The following CCSER1 variants were observed in gnomAD, a reference collection of about 807,000 sequenced individuals.
CCSER1 encodes serine-rich coiled-coil domain-containing protein 1.
CCSER1 carries 41 observed loss-of-function variants against 82.0 expected under a neutral mutation model. That is an observed-to-expected ratio of 0.50 (90% CI 0.39 to 0.65). CCSER1 has a LOEUF of 0.65. CCSER1 is among the 30% of genes least tolerant of loss of function. CCSER1 has a pLI of 0.00. For synonymous variants in CCSER1, 414 were observed against 383.9 expected (o/e 1.08, Z -0.92); for missense variants, 1,119 against 1,064.2 (o/e 1.05, Z -0.72).
chr4:91,311,828 A>C (rs1487660439), intron 10 of CCSER1, among the ~76,000 whole-genome samples: 2 of 151,882 alleles, frequency 1.3e-5, no homozygotes, highest in Admixed American at 6.6e-5. Flanking sequence ...ACATCTTTTC[A>C]ATAAATTTTC....
intron 10 of CCSER1, among the ~76,000 whole-genome samples, chr4:91,344,913 T>A (rs1306556126): frequency 6.6e-6 from 1 of 152,180 alleles, no homozygotes; most frequent in East Asian, 1.9e-4. Context: ...GAGTATATCA[T>A]TAGACAGACT....
In CCSER1 at chr4:90,891,346, T is replaced by C. The variant is rs1164654550; in HGVS notation, c.2095-32024T>C. 2.6e-5 allele frequency among the ~76,000 whole-genome samples: 4 copies of C among 151,706 alleles called. No individual in the cohort carries two copies. The East Asian group carries it at 5.8e-4, about 22-fold the overall frequency. On this transcript the variant is annotated intron_variant, in intron 8 of 10. Transcript: ENST00000509176. The stretch of plus-strand genomic sequence containing the variant: ...GTCAATGTCAAGTAAACACAAAGAT[T>C]AACTCAATTTTGTGTTTTCATTTAA...
intron 1 of CCSER1, among the ~76,000 whole-genome samples, chr4:90,187,004 A>G (rs1315896704): frequency 2.0e-5 from 3 of 151,960 alleles, no homozygotes; most frequent in Admixed American, 1.3e-4. Context: ...TACAGTTTTA[A>G]TGACTGCTAA....
chr4:90,884,373 C>T (rs895161268), intron 8 of CCSER1, among the ~76,000 whole-genome samples: 3 of 152,118 alleles, frequency 2.0e-5, no homozygotes, highest in Non-Finnish European at 4.4e-5. Context: ...AGAAGGGATA[C>T]ATGTATATAC....
At chr4:90,575,596 C>A (rs1428112413) in intron 5 of CCSER1, among the ~76,000 whole-genome samples, 1 of 152,152 alleles carries the variant, frequency 6.6e-6, no homozygotes, top group Admixed American at 6.5e-5. Flanking sequence ...AATACCTGAA[C>A]CAAACTTTAA....
chr4:90,229,932 A>T (rs1172804540), intron 1 of CCSER1, among the ~76,000 whole-genome samples: 2 of 152,220 alleles, frequency 1.3e-5, no homozygotes, highest in African/African-American at 4.8e-5. Context: ...TATCCTAAAT[A>T]TATATGCACC....
intron 3 of CCSER1, among the ~76,000 whole-genome samples, chr4:90,349,442 T>C (rs557961721): frequency 2.6e-4 from 39 of 152,258 alleles, no homozygotes; most frequent in African/African-American, 8.7e-4. Flanking sequence ...CGTGGTGGCA[T>C]ACAATTCTAG....
chr4:90,226,507 G>T (rs1401663188), intron 1 of CCSER1, among the ~76,000 whole-genome samples: 21 of 152,116 alleles, frequency 1.4e-4, no homozygotes, highest in Admixed American at 1.4e-3. Flanking sequence ...AGATGCAGTT[G>T]GTATAAGAAA....
intron 10 of CCSER1, among the ~76,000 whole-genome samples, chr4:91,198,781 T>G (rs1735663884): frequency 1.3e-5 from 2 of 152,146 alleles, no homozygotes; most frequent in African/African-American, 4.8e-5. Context: ...CAATTAAGAC[T>G]TTTAGTTTAC....
intron 1 of CCSER1, among the ~76,000 whole-genome samples, chr4:90,294,552 C>T (rs1438901353): frequency 6.6e-6 from 1 of 151,978 alleles, no homozygotes; most frequent in Admixed American, 6.6e-5. Context: ...TCTCCTATTC[C>T]TTCCCAGTGG....
intron 3 of CCSER1, among the ~76,000 whole-genome samples, chr4:90,386,773 T>G (rs1750125746): frequency 6.6e-6 from 1 of 152,214 alleles, no homozygotes; most frequent in Non-Finnish European, 1.5e-5. Context: ...TTTCCTATTT[T>G]GGGAATCTTT....
chr4:91,384,091 C>T (rs901272851), intron 10 of CCSER1, among the ~76,000 whole-genome samples: 2 of 151,990 alleles, frequency 1.3e-5, no homozygotes, highest in Non-Finnish European at 2.9e-5. Flanking sequence ...TGAATGTTTC[C>T]AACTACTATA....
At chr4:90,577,419 A>AT (rs978075817) in intron 5 of CCSER1, among the ~76,000 whole-genome samples, 13 of 152,074 alleles carry the variant, frequency 8.5e-5, no homozygotes, top group Middle Eastern at 3.4e-3. Flanking sequence ...TAGTTGAGGG[A>AT]TTTTTTGTTT....
chr4:90,317,243 C>T (rs1022254670), intron 3 of CCSER1, among the ~76,000 whole-genome samples: 2 of 151,994 alleles, frequency 1.3e-5, no homozygotes, highest in Non-Finnish European at 2.9e-5. Context: ...ATATAATGAA[C>T]AATACAGAAG....
chr4:91,237,222 T>C (rs1258336840), intron 10 of CCSER1, among the ~76,000 whole-genome samples: 1 of 152,010 alleles, frequency 6.6e-6, no homozygotes, highest in Non-Finnish European at 1.5e-5. Flanking sequence ...GTGCATGAAC[T>C]AATTTATTTA....
intron 3 of CCSER1, among the ~76,000 whole-genome samples, chr4:90,393,274 G>A (rs1751470558): frequency 6.6e-6 from 1 of 152,194 alleles, no homozygotes; most frequent in Admixed American, 6.5e-5. Context: ...TGTTTAGACT[G>A]ACACAGGGAA....
At chr4:90,860,270 C>A (rs1365934395) in intron 8 of CCSER1, among the ~76,000 whole-genome samples, 2 of 151,506 alleles carry the variant, frequency 1.3e-5, no homozygotes, top group Admixed American at 6.6e-5. Flanking sequence ...TATAATTATT[C>A]ATTAGGAAAA....
intron 4 of CCSER1, among the ~76,000 whole-genome samples, chr4:90,453,701 G>T (rs1196094077): frequency 6.6e-6 from 1 of 152,146 alleles, no homozygotes; most frequent in Non-Finnish European, 1.5e-5. Context: ...GGGCTTTCAG[G>T]CATGATTAGA....
chr4:90,933,018 A>AAGAAAG (rs1554046168), intron 9 of CCSER1, among the ~76,000 whole-genome samples: 2 of 88,302 alleles, frequency 2.3e-5, no homozygotes, highest in African/African-American at 1.6e-4. Flanking sequence ...GAAAGAAAGA[A>AAGAAAG]AGAAAGAAAG....
Sources: allele counts gnomAD v4.1 joint callset (sites outside exome capture counted in the v4.1 genomes callset), GRCh38; gene constraint gnomAD v4.1.1; transcripts MANE v1.5; gene names NCBI Gene and HGNC (gene_info 2026-07-23, HGNC 2026-07-21).